BCL6: variants seen among roughly 807,000 people sequenced by gnomAD.
The protein encoded by BCL6 is B-cell lymphoma 6 protein.
A neutral mutation model predicts 59.5 loss-of-function variants in BCL6; 7 were observed. The ratio of observed to expected loss-of-function variants is 0.12; its 90% confidence interval spans 0.07 to 0.22. BCL6 has a LOEUF of 0.22. BCL6 is among the 10% of genes least tolerant of loss of function. The pLI is 1.00. For synonymous variants in BCL6, 339 were observed against 349.7 expected, an observed-to-expected ratio of 0.97 and a Z score of 0.34; for missense variants, 685 against 939.4, an observed-to-expected ratio of 0.73 and a Z score of 3.54.
chr3:187,728,476 C>T lies in BCL6; in HGVS notation c.1424G>A (p.Cys475Tyr), dbSNP rs761505079. Residue 475 changes from cysteine to tyrosine, a missense_variant, in exon 6 of 10, where the codon TGC becomes TAC. Cys to Tyr is a radical substitution (Grantham distance 194). This residue lies in a region of BCL6 where 207 missense variants were observed against 213.7 expected (regional missense o/e 0.97). Coordinates refer to ENST00000406870, the MANE Select transcript of BCL6 (RefSeq NM_001706.5). ...HSPLYMHPPK[C>Y]TSCGSQSPQH... The stretch of plus-strand genomic sequence containing the variant: ...TGGGGACTGAGAGCCGCAGGACGTG[C>T]ACTTCGGGGGGTGCATGTAGAGTGG... 2 of 1,611,922 alleles carry T rather than the reference C, an allele frequency of 1.2e-6. No homozygotes were observed. The highest frequency in any genetic ancestry group is 1.7e-6 in the Non-Finnish European group (2 of 1,179,590).
intron 9 of BCL6, among the ~76,000 whole-genome samples, chr3:187,724,069 CA>C (rs2067854081): frequency 6.6e-6 from 1 of 152,044 alleles, no homozygotes; most frequent in Non-Finnish European, 1.5e-5. Flanking sequence ...AACAAGTGAA[CA>C]AAAATAACCA....
At position 187,722,031 on chromosome 3, in the gene BCL6, C is replaced by T. The variant is rs1718441126; in HGVS notation, c.*427G>A. Reference sequence around the variant, plus strand: ...CACCTTTGGTTAAAAAAATTAAAGCCCTCTCTTTGACAACATACTGAAGTC... The same window carrying T: ...CACCTTTGGTTAAAAAAATTAAAGCTCTCTCTTTGACAACATACTGAAGTC... On this transcript the variant is annotated 3_prime_UTR_variant, in exon 10 of 10. Coordinates refer to ENST00000406870, the MANE Select transcript of BCL6 (RefSeq NM_001706.5). 9.0e-6 allele frequency: 2 copies of T among 221,140 alleles called. No individual in the cohort carries two copies. Among genetic ancestry groups the T allele is most frequent in the Admixed American group, 1.2e-4 (2 of 17,220 alleles). 13.7% of individuals were successfully genotyped at this position (221,140 alleles called of 1,614,324 possible).
Position 187,729,686 on chromosome 3 carries a change from C to T in BCL6, c.719G>A (p.Gly240Asp). 3.1e-6 allele frequency: 5 copies of T among 1,614,156 alleles called. No individual in the cohort carries two copies. Among genetic ancestry groups the T allele is most frequent in the Non-Finnish European group, 4.2e-6 (5 of 1,180,016 alleles). The change falls in exon 5 of 10, where the codon GGT becomes GAT. Residue 240 changes from glycine to aspartate, a missense_variant. This residue lies in a region of BCL6 where 268 missense variants were observed against 263.8 expected (regional missense o/e 1.02). Coordinates refer to ENST00000406870, the MANE Select transcript of BCL6 (RefSeq NM_001706.5). This position sits in a 1 kb window ranked among gnomAD's most constrained non-coding sequence, Gnocchi z 5.6. ...LPCDSARPVP[G>D]EYSRPTLEVS... ...CTCCAAAGTCGGCCGGCTGTACTCA[C>T]CAGGGACTGGCCTGGCACTATCACA...
intron 4 of BCL6, among the ~76,000 whole-genome samples, chr3:187,730,983 G>A (rs899514350): frequency 3.9e-5 from 6 of 152,284 alleles, no homozygotes; most frequent in Admixed American, 6.5e-5. Context: ...CTGTTTGAGC[G>A]AGGATGCAAT....
At chr3:187,738,490 C>A (rs1719394137) in intron 1 of BCL6, among the ~76,000 whole-genome samples, 1 of 152,232 alleles carries the variant, frequency 6.6e-6, no homozygotes, top group South Asian at 2.1e-4. Flanking sequence ...CCGATTTCCC[C>A]GAAACCGTAG....
rs1718455364 is a variant in BCL6 at position 187,722,251 on chromosome 3, A to G, written c.*207T>C. ...GGAGAAGAAGCAATATGATTTTCTT[A>G]ATGTTTTATGGCAGTGGGGGAGGGG... On this transcript the variant is annotated 3_prime_UTR_variant, in exon 10 of 10. Coordinates refer to ENST00000406870, the MANE Select transcript of BCL6 (RefSeq NM_001706.5). 1 of 525,388 alleles carries G rather than the reference A, an allele frequency of 1.9e-6. No homozygotes were observed. The highest frequency in any genetic ancestry group is 3.2e-6 in the Non-Finnish European group (1 of 316,992). The allele number at this position is 525,388 out of a possible 1,614,324, so 32.5% of individuals were successfully genotyped here.
At chr3:187,727,554 G>A (rs1275746461) in intron 6 of BCL6, among the ~76,000 whole-genome samples, 1 of 152,218 alleles carries the variant, frequency 6.6e-6, no homozygotes, top group East Asian at 1.9e-4. Flanking sequence ...AGCTGATGGT[G>A]GAAGTGGGAA....
chr3:187,741,199 G>T (rs1711578137), intron 1 of BCL6, among the ~76,000 whole-genome samples: 1 of 152,126 alleles, frequency 6.6e-6, no homozygotes, highest in East Asian at 1.9e-4. Flanking sequence ...ATGTAATTCC[G>T]TTCCTCCCGA....
intron 1 of BCL6, among the ~76,000 whole-genome samples, chr3:187,744,895 A>C: frequency 6.6e-6 from 1 of 152,252 alleles, no homozygotes; most frequent in South Asian, 2.1e-4. Context: ...GTACGCAAGC[A>C]GCAGCAGAAA....
intron 1 of BCL6, among the ~76,000 whole-genome samples, chr3:187,741,034 G>A (rs1711568462): frequency 6.6e-6 from 1 of 152,180 alleles, no homozygotes; most frequent in African/African-American, 2.4e-5. Flanking sequence ...TCAGCCCACC[G>A]CTAGGTGGCA....
In BCL6 at chr3:187,725,504, C is replaced by T. The variant is rs370028442; in HGVS notation, c.1834G>A (p.Val612Ile). The T allele has an allele frequency of 6.2e-7, 1 of 1,614,056 alleles. No individual in the cohort carries two copies. The highest frequency in any genetic ancestry group is 1.7e-5 in the Admixed American group (1 of 60,026). ...YKCETCGARF[V>I]QVAHLRAHVL... is the part of the protein sequence containing the mutation. ...CGCCTGCCCACTCTGCTCACCTGTA[C>T]AAATCTGGCTCCGCAGGTTTCGCAT... The change falls in exon 8 of 10, where the codon GTA becomes ATA. Residue 612 changes from valine (V) to isoleucine (I), a missense_variant. Val to Ile is a conservative substitution (Grantham distance 29, BLOSUM62 3). This residue lies in a region of BCL6 where 42 missense variants were observed against 101.7 expected (regional missense o/e 0.41). Coordinates refer to ENST00000406870, the MANE Select transcript of BCL6 (RefSeq NM_001706.5). The surrounding 1 kb of genome is among the most constrained non-coding windows in gnomAD (Gnocchi z 4.7).
chr3:187,726,121 C>G (rs1401814044), intron 7 of BCL6, among the ~76,000 whole-genome samples: 1 of 152,176 alleles, frequency 6.6e-6, no homozygotes, highest in African/African-American at 2.4e-5. Flanking sequence ...AATCAGGCTG[C>G]TCTAGTTTCT....
At position 187,737,381 on chromosome 3, in the gene BCL6, G is replaced by GAGAGAGAGAGAA. The variant is rs1553841125; in HGVS notation, c.-49-2475_-49-2474insTTCTCTCTCTCT. 4.2e-4 allele frequency: 53 copies of GAGAGAGAGAGAA among 125,410 alleles called. 2 individuals are homozygous for GAGAGAGAGAGAA. Among genetic ancestry groups the GAGAGAGAGAGAA allele is most frequent in the African/African-American group, 1.8e-3 (47 of 25,744 alleles). 7.8% of individuals were successfully genotyped at this position (125,410 alleles called of 1,614,324 possible). On this transcript the variant is annotated intron_variant, in intron 1 of 9. Coordinates refer to ENST00000406870, the MANE Select transcript of BCL6 (RefSeq NM_001706.5). The stretch of plus-strand genomic sequence containing the variant: ...AGAGAGAGAGAGAGAGAGAGAGAGA[G>GAGAGAGAGAGAA]AGAGAGAGAGAGAGAAAATGAGAGA...
rs773685934 is a variant in BCL6, at chr3:187,731,843, G to A, written c.249C>T (p.Phe83=). Residue 83 remains phenylalanine, a synonymous_variant, in exon 4 of 10, where the codon TTC becomes TTT. Coordinates refer to ENST00000406870, the MANE Select transcript of BCL6 (RefSeq NM_001706.5). ...TGTACATGAAGTCCAGGAGGATGCA[G>A]AATCCCTCAGGGTTGATCTCAGGAT... is the stretch of plus-strand genomic sequence containing the variant. ...NLDPEINPEG[F]CILLDFMYTS... 3.5e-5 allele frequency: 57 copies of A among 1,614,082 alleles called. 1 individual carries two copies. In the South Asian group the frequency reaches 5.0e-4, roughly 14 times the overall value.
intron 6 of BCL6, 46 bp downstream of exon 6, chr3:187,728,314 G>A (rs780114502): frequency 4.7e-6 from 7 of 1,504,108 alleles, no homozygotes; most frequent in Non-Finnish European, 6.3e-6. Flanking sequence ...TGGAGCAGAG[G>A]GGCCTTCCTT....
At chr3:187,742,253 T>C (rs557570594) in intron 1 of BCL6, among the ~76,000 whole-genome samples, 4 of 152,196 alleles carry the variant, frequency 2.6e-5, no homozygotes, top group Admixed American at 2.0e-4. Flanking sequence ...ACAAAGTGGG[T>C]TGTGAGTGTC....
intron 1 of BCL6, among the ~76,000 whole-genome samples, chr3:187,743,554 G>T (rs867499238): frequency 2.0e-5 from 3 of 151,762 alleles, no homozygotes; most frequent in Non-Finnish European, 2.9e-5. Flanking sequence ...CGGTTTGGTT[G>T]TGTTTTTGTT....
At chr3:187,727,509 T>G (rs1718775117) in intron 6 of BCL6, among the ~76,000 whole-genome samples, 1 of 152,230 alleles carries the variant, frequency 6.6e-6, no homozygotes. Context: ...TTGGATTTCA[T>G]GTCTCCAAAT....
chr3:187,727,113 G>A (rs1718750274), intron 6 of BCL6, among the ~76,000 whole-genome samples: 1 of 152,216 alleles, frequency 6.6e-6, no homozygotes, highest in South Asian at 2.1e-4. Context: ...GGAGAAAGGA[G>A]ATGGACTGAA....
Sources: gnomAD v4.1 joint callset for allele counts (sites outside exome capture counted in the v4.1 genomes callset) on GRCh38, gnomAD v4.1.1 for gene constraint, gnomAD v4.1.1 regional missense constraint, Gnocchi (gnomAD v3.1) non-coding constraint, MANE v1.5 for transcripts, NCBI Gene and HGNC (gene_info 2026-07-23, HGNC 2026-07-21) for gene names.